MYH2: variants seen among roughly 807,000 people sequenced by gnomAD.
MYH2 encodes the protein myosin-2.
Under a neutral mutation model 228.1 loss-of-function variants are expected in MYH2, and 139 were observed. The ratio of observed to expected loss-of-function variants is 0.61; its 90% CI spans 0.53 to 0.70. The LOEUF (loss-of-function observed/expected upper bound fraction) is 0.70, where lower values mean the gene tolerates loss of function less well. Among genes scored for constraint, MYH2 ranks in the 30% least tolerant of loss-of-function variants. The pLI is 0.00. For synonymous variants in MYH2, 796 were observed against 871.1 expected (o/e 0.91, Z 1.52); for missense variants, 1,809 against 2,357.5 (o/e 0.77, Z 4.82).
In MYH2 at chr17:10,531,877, A is replaced by G; in HGVS notation, c.2453T>C (p.Phe818Ser). ...QRMVERREAI[F>S]CIQYNIRSFM... ...GGATCTGATATTGTACTGGATACAGAAGATGGCCTCCCTGAAATTTAATTG... is the reference window on the plus strand; with the variant it reads ...GGATCTGATATTGTACTGGATACAGGAGATGGCCTCCCTGAAATTTAATTG... The change falls in exon 22 of 40, where the codon TTC becomes TCC. Residue 818 changes from phenylalanine to serine, a missense_variant. Phe to Ser is a radical substitution (Grantham distance 155). Around this residue, in one of 9 missense-constraint regions of MYH2, gnomAD observed 276 missense variants for 344.2 expected, o/e 0.80. Transcript: ENST00000245503. 2.5e-6 allele frequency: 4 copies of G among 1,614,158 alleles called. No individual in the cohort carries two copies. The highest frequency in any genetic ancestry group is 1.3e-5 in the African/African-American group (1 of 75,062).
In MYH2 at chr17:10,535,123, G is replaced by A; in HGVS notation, c.2130C>T (p.Ile710=). Residue 710 remains isoleucine (I), a synonymous_variant, in exon 19 of 40, where the codon ATC becomes ATT. Transcript: ENST00000245503. ...RCNGVLEGIR[I]CRKGFPSRIL... ...TTCTGCTTGGAAATCCTTTCCTACA[G>A]ATGCGGATGCCTTCCAGCACACCGT... is the stretch of plus-strand genomic sequence containing the variant. 1 of 1,614,162 alleles carries A rather than the reference G, an allele frequency of 6.2e-7. No homozygotes were observed. The highest frequency in any genetic ancestry group is 8.5e-7 in the Non-Finnish European group (1 of 1,180,024).
chr17:10,544,645 C>A (rs370977088), intron 5 of MYH2, among the ~76,000 whole-genome samples: 5 of 152,146 alleles, frequency 3.3e-5, no homozygotes, highest in African/African-American at 1.2e-4. Flanking sequence ...TTTAGAAATA[C>A]GGCTTTGGTC....
Position 10,526,499 on chromosome 17 carries a change from A to G in MYH2, c.4187+100T>C, listed in dbSNP as rs1446615774. 1.3e-5 allele frequency: 20 copies of G among 1,562,616 alleles called. No individual in the cohort carries two copies. The East Asian group carries it at 4.5e-4, about 35-fold the overall frequency. On this transcript the variant is annotated intron_variant, in intron 30 of 39. Transcript: ENST00000245503. ...GTGACTGGCACATAAAAGCAGATTA[A>G]TGAGCATTTGTGGACTAATTCACTG...
Position 10,545,362 on chromosome 17 carries a change from A to G in MYH2, c.489T>C (p.Tyr163=). 1 of 1,613,734 alleles carries G rather than the reference A, an allele frequency of 6.2e-7. No homozygotes were observed. The highest frequency in any genetic ancestry group is 1.1e-5 in the South Asian group (1 of 91,060). The change falls in exon 5 of 40, where the codon TAT becomes TAC. Residue 163 remains tyrosine (Y), a synonymous_variant. Transcript: ENST00000245503. ...CTCACTCACCAGTCAGCATGAACTGATAGGCGTTGTCAGAGATGGAGAAGA... is the reference window on the plus strand; with the variant it reads ...CTCACTCACCAGTCAGCATGAACTGGTAGGCGTTGTCAGAGATGGAGAAGA... ...PHIFSISDNA[Y]QFMLTDRENQ...
At position 10,523,340 on chromosome 17, in the gene MYH2, G is replaced by A. The variant is rs1555569647; in HGVS notation, c.5545C>T (p.His1849Tyr). The change falls in exon 38 of 40, where the codon CAT (histidine) becomes TAT (tyrosine). Residue 1849 changes from histidine to tyrosine, a missense_variant. His to Tyr is a moderately conservative substitution (Grantham distance 83, BLOSUM62 2). Coordinates refer to ENST00000245503, the MANE Select transcript of MYH2 (RefSeq NM_017534.6). The part of the protein sequence containing the change: ...NAEAVKGLRK[H>Y]ERRVKELTYQ... The stretch of plus-strand genomic sequence containing the variant: ...GTGAGTTCCTTCACTCGCCTCTCAT[G>A]TTTGCGCAGACCTTTGACAGCCTCA... 1 of 1,614,066 alleles carries A rather than the reference G, an allele frequency of 6.2e-7. No homozygotes were observed.
chr17:10,527,854 G>T lies in MYH2; in HGVS notation c.3765C>A (p.Cys1255Ter). Residue 1255 changes from cysteine (C) to a stop codon, truncating the protein, a stop_gained, in exon 28 of 40, where the codon TGC becomes TGA. Transcript: ENST00000245503. LOFTEE classifies it high-confidence loss of function. Reference protein sequence around the residue: ...SKAKGNLEKMCRTLEDQLSEL... With the variant: ...SKAKGNLEKM ...CACTCAGTTGGTCCTCTAGAGTCCG[G>T]CACATTTTCTCTAGGTTTCCCTATA... The T allele has an allele frequency of 6.2e-7, 1 of 1,613,508 alleles. No individual in the cohort carries two copies. Among genetic ancestry groups the T allele is most frequent in the East Asian group, 2.2e-5 (1 of 44,884 alleles).
In MYH2 at chr17:10,521,580, CATATAT is replaced by C. The variant is rs3051834; in HGVS notation, c.5674-154_5674-149del. On this transcript the variant is annotated intron_variant, in intron 39 of 39. Coordinates refer to ENST00000245503, the MANE Select transcript of MYH2 (RefSeq NM_017534.6). ...AATTTTAAGATTTGTTTATTGATGT[CATATAT>C]ATATATATATATATACACACACACA... is the stretch of plus-strand genomic sequence containing the variant. The C allele has an allele frequency of 2.7e-4, 121 of 445,264 alleles. 1 individual carries two copies. Among genetic ancestry groups the C allele is most frequent in the Middle Eastern group, 2.6e-3 (4 of 1,548 alleles). 27.6% of individuals were successfully genotyped at this position (445,264 alleles called of 1,614,324 possible). A position where few individuals can be genotyped will look rare whatever the true frequency, so the allele number is the denominator to read the frequency against.
At chr17:10,549,481 T>G (rs2073675009) in intron 1 of MYH2, 64 bp from the exon 2 acceptor site, 1 of 152,694 alleles carries the variant, frequency 6.5e-6, no homozygotes, top group African/African-American at 2.4e-5. Flanking sequence ...AAATCCCATT[T>G]ATGGCATGGC....
chr17:10,526,062 A>G (rs1174644617), intron 30 of MYH2, among the ~76,000 whole-genome samples, 186 bp from the exon 31 acceptor site: 2 of 152,232 alleles, frequency 1.3e-5, no homozygotes, highest in East Asian at 3.9e-4. Context: ...TGACCAAGAC[A>G]AAAAAGATCT....
Position 10,529,605 on chromosome 17 carries a change from G to A in MYH2, c.3076C>T (p.Leu1026=), listed in dbSNP as rs2073399784. 2 of 1,614,150 alleles carry A rather than the reference G, an allele frequency of 1.2e-6. No homozygotes were observed. Among genetic ancestry groups the A allele is most frequent in the African/African-American group, 2.7e-5 (2 of 75,028 alleles). The stretch of plus-strand genomic sequence containing the variant: ...TCAAGTTTGATTTTAGCTTTGGTCA[G>A]GGTGTTGACTTTGTCCTCCTCTGCC... ...LQAEEDKVNT[L]TKAKIKLEQQ... The change falls in exon 24 of 40, where the codon CTG becomes TTG. Residue 1026 remains leucine (L), a synonymous_variant. Transcript: ENST00000245503.
intron 4 of MYH2, among the ~76,000 whole-genome samples, chr17:10,547,196 T>C (rs1235825314): frequency 6.6e-6 from 1 of 152,176 alleles, no homozygotes; most frequent in Non-Finnish European, 1.5e-5. Flanking sequence ...TTACCTGTGA[T>C]TGAAATATAA....
At chr17:10,542,588 T>C (rs1316905339) in intron 10 of MYH2, among the ~76,000 whole-genome samples, 5 of 152,220 alleles carry the variant, frequency 3.3e-5, no homozygotes, top group Admixed American at 3.3e-4. Context: ...TATGTATCTA[T>C]ATGTAGAGAT....
chr17:10,542,465 T>C (rs191841268), intron 10 of MYH2, among the ~76,000 whole-genome samples: 198 of 152,274 alleles, frequency 1.3e-3, no homozygotes, highest in African/African-American at 4.5e-3. Flanking sequence ...TTGGAAATAA[T>C]GATGTGGAGC....
intron 39 of MYH2, 56 bp downstream of exon 39, chr17:10,523,034 G>T: frequency 2.4e-6 from 3 of 1,236,396 alleles, no homozygotes; most frequent in South Asian, 2.4e-5. Flanking sequence ...TTCACTACAA[G>T]AAGTAGTAAT....
intron 2 of MYH2, among the ~76,000 whole-genome samples, chr17:10,549,162 G>T (rs1413117203): frequency 3.3e-5 from 5 of 152,148 alleles, no homozygotes; most frequent in Non-Finnish European, 7.3e-5. Flanking sequence ...CGATTCCCCT[G>T]CTCAAATGTC....
intron 21 of MYH2, among the ~76,000 whole-genome samples, chr17:10,532,125 C>G (rs1199837190): frequency 6.6e-6 from 1 of 152,210 alleles, no homozygotes; most frequent in African/African-American, 2.4e-5. Context: ...TGTTAAAATA[C>G]TGACTCCTGA....
chr17:10,530,721 C>T (rs1299098979), intron 22 of MYH2, among the ~76,000 whole-genome samples: 5 of 152,142 alleles, frequency 3.3e-5, no homozygotes, highest in African/African-American at 1.2e-4. Context: ...TCTTTGACTA[C>T]ATTAAGGAAT....
In MYH2 at chr17:10,525,451, G is replaced by C; in HGVS notation, c.4537C>G (p.Gln1513Glu). The C allele has an allele frequency of 2.5e-6, 4 of 1,613,934 alleles. 1 individual carries two copies. The highest frequency in any genetic ancestry group is 3.4e-6 in the Non-Finnish European group (4 of 1,179,862). The change falls in exon 32 of 40, where the codon CAG (glutamine) becomes GAG (glutamate). Residue 1513 changes from glutamine to glutamate, a missense_variant and splice_region_variant. Gln to Glu is a conservative substitution (Grantham distance 29, BLOSUM62 2). Transcript: ENST00000245503. This position sits in a 1 kb window ranked among gnomAD's most constrained non-coding sequence, Gnocchi z 4.2. The part of the protein sequence containing the change: ...TLKRENKNLQ[Q>E]EISDLTEQIA... ...ATTATTGAATATGATAGGGACTTAC[G>C]CTGTAAGTTTTTGTTCTCTCGCTTC... is the stretch of plus-strand genomic sequence containing the variant.
chr17:10,542,249 G>C (rs2142317053), intron 10 of MYH2, among the ~76,000 whole-genome samples: 1 of 151,192 alleles, frequency 6.6e-6, no homozygotes, highest in South Asian at 2.1e-4. Context: ...ACTCTGGCCT[G>C]GGTGACAAAG....
Sources: allele counts gnomAD v4.1 joint callset (sites outside exome capture counted in the v4.1 genomes callset), GRCh38; gene constraint gnomAD v4.1.1; regional missense constraint gnomAD v4.1.1; non-coding constraint Gnocchi (gnomAD v3.1); transcripts MANE v1.5; gene names NCBI Gene and HGNC (gene_info 2026-07-23, HGNC 2026-07-21).